The following MAML2 variants were observed in gnomAD, a reference collection of about 807,000 sequenced individuals.
MAML2 encodes the protein mastermind-like protein 2.
Under a neutral mutation model 96.1 loss-of-function variants are expected in MAML2, and 22 were observed. The observed-to-expected ratio is 0.23, with a 90% CI of 0.16 to 0.33. The LOEUF is 0.33. MAML2 is among the 10% of genes least tolerant of loss of function. The pLI is 1.00. For synonymous variants in MAML2, 561 were observed against 521.3 expected, an observed-to-expected ratio of 1.08 and a Z score of -1.04; for missense variants, 1,367 against 1,392.4, an observed-to-expected ratio of 0.98 and a Z score of 0.29.
chr11:96,065,415 GCACACACA>G (rs35035966), intron 2 of MAML2, among the ~76,000 whole-genome samples: 1 of 149,462 alleles, frequency 6.7e-6, no homozygotes, highest in African/African-American at 2.5e-5. Context: ...GTGCGTGCAT[GCACACACA>G]CACACACACA....
intron 1 of MAML2, among the ~76,000 whole-genome samples, chr11:96,300,231 T>C (rs1863367680): frequency 6.6e-6 from 1 of 152,128 alleles, no homozygotes; most frequent in Admixed American, 6.6e-5. Flanking sequence ...AACTGGGATG[T>C]CATGAAAGAA....
chr11:96,047,995 G>A (rs1858933899), intron 2 of MAML2, among the ~76,000 whole-genome samples: 1 of 151,700 alleles, frequency 6.6e-6, no homozygotes, highest in African/African-American at 2.4e-5. Context: ...TTATGAATGA[G>A]GAATGAGTCT....
chr11:96,243,723 G>T (rs1168043653), intron 1 of MAML2, among the ~76,000 whole-genome samples: 1 of 143,332 alleles, frequency 7.0e-6, no homozygotes, highest in Non-Finnish European at 1.5e-5. Context: ...GCGCGATGTT[G>T]TCTCACTGCA....
intron 1 of MAML2, among the ~76,000 whole-genome samples, chr11:96,160,613 A>G (rs944582210): frequency 2.5e-4 from 38 of 152,006 alleles, no homozygotes; most frequent in African/African-American, 8.9e-4. Context: ...TTTTTAGTAC[A>G]TATGGGGTTT....
intron 2 of MAML2, among the ~76,000 whole-genome samples, chr11:96,057,254 G>A (rs780861364): frequency 6.6e-6 from 1 of 152,136 alleles, no homozygotes; most frequent in African/African-American, 2.4e-5. Flanking sequence ...TTTGAAGTGA[G>A]CTCTCTAGAA....
Position 96,225,311 on chromosome 11 carries a change from G to A in MAML2, c.513+116072C>T, listed in dbSNP as rs113882836. Among the ~76,000 whole-genome samples, 628 of 152,246 alleles carry A rather than the reference G, an allele frequency of 4.1e-3. 4 individuals are homozygous for A. Among genetic ancestry groups the A allele is most frequent in the African/African-American group, 0.014 (564 of 41,526 alleles). On this transcript the variant is annotated intron_variant, in intron 1 of 4. Transcript: ENST00000524717. ...ACCATGTCAGGAGGACAATTAAACTGCCCTACAGAGAGGCTCACATGATGG... is the reference window on the plus strand; with the variant it reads ...ACCATGTCAGGAGGACAATTAAACTACCCTACAGAGAGGCTCACATGATGG...
intron 2 of MAML2, among the ~76,000 whole-genome samples, chr11:96,089,165 T>C (rs765475320): frequency 2.0e-5 from 3 of 152,158 alleles, no homozygotes; most frequent in Non-Finnish European, 2.9e-5. Flanking sequence ...TGGTCATCGG[T>C]AACAGAGATT....
rs115688836 is a variant in MAML2 at position 96,034,500 on chromosome 11, A to G, written c.2140-42777T>C. On this transcript the variant is annotated intron_variant, in intron 2 of 4. Coordinates refer to ENST00000524717, the MANE Select transcript of MAML2 (RefSeq NM_032427.4). ...GTCAGAGAGAGATTTCTTCTGTTTA[A>G]AAACATTTGTTATTTATGAAACCAC... Among the ~76,000 whole-genome samples, 528 of 151,060 alleles carry G rather than the reference A, an allele frequency of 3.5e-3. 3 individuals are homozygous for G. The highest frequency in any genetic ancestry group is 0.011 in the African/African-American group (469 of 40,880).
chr11:96,296,954 T>C (rs569003496), intron 1 of MAML2, among the ~76,000 whole-genome samples: 2 of 152,236 alleles, frequency 1.3e-5, no homozygotes, highest in Admixed American at 6.5e-5. Context: ...AGAATTATCA[T>C]GTGAATTGAA....
At position 96,092,913 on chromosome 11, in the gene MAML2, G is replaced by A; in HGVS notation, c.1118C>T (p.Thr373Ile). The change falls in exon 2 of 5, where the codon ACT becomes ATT. Residue 373 changes from threonine (T) to isoleucine (I), a missense_variant. Coordinates refer to ENST00000524717, the MANE Select transcript of MAML2 (RefSeq NM_032427.4). This position sits in a 1 kb window ranked among gnomAD's most constrained non-coding sequence, Gnocchi z 4.1. ...VIKSEYSPGL[T>I]QGPSGSPQLR... is the part of the protein sequence containing the mutation. ...CTGAGGAGAGCCTGAGGGGCCCTGA[G>A]TCAAGCCCGGTGAGTATTCACTTTT... The A allele has an allele frequency of 6.2e-7, 1 of 1,606,030 alleles. No individual in the cohort carries two copies. The highest frequency in any genetic ancestry group is 8.5e-7 in the Non-Finnish European group (1 of 1,175,772).
At chr11:96,184,714 C>T (rs953290326) in intron 1 of MAML2, among the ~76,000 whole-genome samples, 3 of 151,100 alleles carry the variant, frequency 2.0e-5, no homozygotes, top group South Asian at 2.1e-4. Flanking sequence ...CTCAGCCTCT[C>T]GAGGAGCTGG....
At chr11:96,080,067 A>G (rs1859508161) in intron 2 of MAML2, among the ~76,000 whole-genome samples, 1 of 152,256 alleles carries the variant, frequency 6.6e-6, no homozygotes, top group African/African-American at 2.4e-5. Context: ...TAAGAATTAT[A>G]ATTACAGTGT....
chr11:95,992,548 C>T (rs369991791), intron 2 of MAML2, among the ~76,000 whole-genome samples: 23 of 152,270 alleles, frequency 1.5e-4, no homozygotes, highest in African/African-American at 5.3e-4. Context: ...GAGCTCTACA[C>T]TAGTACACTA....
At chr11:95,986,466 C>G (rs1857831542) in intron 3 of MAML2, among the ~76,000 whole-genome samples, 1 of 152,026 alleles carries the variant, frequency 6.6e-6, no homozygotes, top group African/African-American at 2.4e-5. Flanking sequence ...TCCCAGAGTG[C>G]TGGGATTACA....
intron 1 of MAML2, among the ~76,000 whole-genome samples, chr11:96,179,542 G>A (rs1861450353): frequency 1.3e-5 from 2 of 152,174 alleles, no homozygotes; most frequent in South Asian, 2.1e-4. Context: ...AGTCCAGGCT[G>A]CTTCCCTAAT....
At chr11:96,040,947 T>A (rs1858797623) in intron 2 of MAML2, among the ~76,000 whole-genome samples, 1 of 152,222 alleles carries the variant, frequency 6.6e-6, no homozygotes, top group Admixed American at 6.5e-5. Flanking sequence ...TCTTCAACAT[T>A]ATGCTTCTGA....
At chr11:96,077,219 C>CTTTTTT (rs371672772) in intron 2 of MAML2, among the ~76,000 whole-genome samples, 30,455 of 93,576 alleles carry the variant, frequency 0.33, 6,437 homozygotes, top group Non-Finnish European at 0.42. Flanking sequence ...CTCTCTCTCT[C>CTTTTTT]TTTTTTTTTT....
intron 1 of MAML2, among the ~76,000 whole-genome samples, chr11:96,111,417 G>C (rs1487485150): frequency 6.6e-6 from 1 of 152,142 alleles, no homozygotes; most frequent in African/African-American, 2.4e-5. Flanking sequence ...CAGCTGGTCT[G>C]TGTGCATGTG....
At chr11:96,036,773 T>C (rs976164902) in intron 2 of MAML2, among the ~76,000 whole-genome samples, 2 of 152,178 alleles carry the variant, frequency 1.3e-5, no homozygotes, top group African/African-American at 4.8e-5. Flanking sequence ...CCCCCAATAA[T>C]TCTTACTGCC....
Sources: allele counts gnomAD v4.1 joint callset (sites outside exome capture counted in the v4.1 genomes callset), GRCh38; gene constraint gnomAD v4.1.1; non-coding constraint Gnocchi (gnomAD v3.1); transcripts MANE v1.5; gene names NCBI Gene and HGNC (gene_info 2026-07-23, HGNC 2026-07-21).